LPP: variants seen among roughly 807,000 people sequenced by gnomAD.
LPP encodes lipoma-preferred partner.
A neutral mutation model predicts 60.4 loss-of-function variants in LPP; 38 were observed. That is an observed-to-expected ratio of 0.63 (90% confidence interval 0.49 to 0.83). The LOEUF is 0.83. Ranked by LOEUF, LPP falls within the 40% of genes least tolerant of loss-of-function variation. The pLI is 0.00. For synonymous variants in LPP, 328 were observed against 290.8 expected (o/e 1.13, Z -1.30); for missense variants, 902 against 783.6 (o/e 1.15, Z -1.80).
chr3:188,382,955 C>G (rs1251719839), intron 3 of LPP, among the ~76,000 whole-genome samples: 1 of 152,110 alleles, frequency 6.6e-6, no homozygotes, highest in Non-Finnish European at 1.5e-5. Flanking sequence ...TCTACTGACT[C>G]TTAAAACCCG....
At chr3:188,240,531 A>G (rs1723999666) in intron 2 of LPP, among the ~76,000 whole-genome samples, 1 of 152,198 alleles carries the variant, frequency 6.6e-6, no homozygotes, top group African/African-American at 2.4e-5. Flanking sequence ...GTAGGGAAGG[A>G]AACTGATGTG....
intron 4 of LPP, among the ~76,000 whole-genome samples, chr3:188,474,283 A>G (rs183711733): frequency 2.5e-4 from 38 of 152,208 alleles, no homozygotes; most frequent in Non-Finnish European, 5.2e-4. Flanking sequence ...TTAATCAGGT[A>G]GGGGAAACCA....
intron 3 of LPP, among the ~76,000 whole-genome samples, chr3:188,358,582 G>C (rs1036518087): frequency 6.6e-6 from 1 of 152,212 alleles, no homozygotes; most frequent in Non-Finnish European, 1.5e-5. Context: ...TAGAATTATA[G>C]TAAAGGGAGA....
intron 2 of LPP, among the ~76,000 whole-genome samples, chr3:188,325,711 A>G (rs1164917057): frequency 6.6e-6 from 1 of 152,140 alleles, no homozygotes; most frequent in Non-Finnish European, 1.5e-5. Context: ...TTAATAGATC[A>G]TTTATTTGGA....
At chr3:188,460,297 G>C (rs1798696994) in intron 4 of LPP, among the ~76,000 whole-genome samples, 1 of 152,124 alleles carries the variant, frequency 6.6e-6, no homozygotes, top group African/African-American at 2.4e-5. Context: ...CTTGAGAATG[G>C]GACCTCTACT....
chr3:188,389,766 A>G, intron 3 of LPP, among the ~76,000 whole-genome samples: 1 of 82,226 alleles, frequency 1.2e-5, no homozygotes, highest in African/African-American at 5.5e-5. Flanking sequence ...ACAGAGTGGG[A>G]CTCCGTCTCA....
intron 8 of LPP, among the ~76,000 whole-genome samples, chr3:188,756,920 T>C (rs1730454089): frequency 6.6e-6 from 1 of 152,246 alleles, no homozygotes; most frequent in African/African-American, 2.4e-5. Context: ...TCTGTTTTCA[T>C]AGCTGAGAAG....
At chr3:188,339,187 G>A (rs557636424) in intron 2 of LPP, among the ~76,000 whole-genome samples, 1 of 152,292 alleles carries the variant, frequency 6.6e-6, no homozygotes, top group South Asian at 2.1e-4. Context: ...CACAGAGGCA[G>A]CCAAGGATAA....
chr3:188,340,416 T>G (rs1762738953), intron 2 of LPP, among the ~76,000 whole-genome samples: 1 of 137,584 alleles, frequency 7.3e-6, no homozygotes, highest in Non-Finnish European at 1.6e-5. Flanking sequence ...TTTTTTTTTT[T>G]GAAACTTTTA....
intron 7 of LPP, among the ~76,000 whole-genome samples, chr3:188,688,002 T>G: frequency 6.6e-6 from 1 of 152,142 alleles, no homozygotes. Flanking sequence ...TAACAGTGTC[T>G]GAGGTATTTT....
At chr3:188,163,183 G>T (rs1179269730) in intron 1 of LPP, among the ~76,000 whole-genome samples, 1 of 152,090 alleles carries the variant, frequency 6.6e-6, no homozygotes, top group Non-Finnish European at 1.5e-5. Context: ...GTAATTGCTT[G>T]TGTTGTGACT....
chr3:188,800,498 G>A (rs919326902), intron 9 of LPP, among the ~76,000 whole-genome samples: 10 of 152,034 alleles, frequency 6.6e-5, no homozygotes, highest in Non-Finnish European at 1.3e-4. Flanking sequence ...GCCCACCTTG[G>A]CCTCCCAAAG....
intron 5 of LPP, among the ~76,000 whole-genome samples, chr3:188,515,002 G>A (rs1028124934): frequency 1.3e-5 from 2 of 152,052 alleles, no homozygotes; most frequent in Admixed American, 1.3e-4. Context: ...AGTGTGTTAG[G>A]GCTGAAAAGG....
At chr3:188,381,184 C>G (rs970463029) in intron 3 of LPP, among the ~76,000 whole-genome samples, 1 of 112,592 alleles carries the variant, frequency 8.9e-6, no homozygotes, top group African/African-American at 2.9e-5. Context: ...ACGTGTGACA[C>G]GAATGCAAAC....
intron 9 of LPP, among the ~76,000 whole-genome samples, chr3:188,811,418 T>G (rs1304404166): frequency 6.2e-5 from 9 of 146,046 alleles, no homozygotes; most frequent in Admixed American, 6.1e-4. Flanking sequence ...GAGAGAAAAA[T>G]TATGATTGGG....
intron 7 of LPP, among the ~76,000 whole-genome samples, chr3:188,663,394 G>A (rs956685183): frequency 3.3e-5 from 5 of 152,292 alleles, no homozygotes; most frequent in African/African-American, 1.2e-4. Flanking sequence ...GTTTCCACAG[G>A]AGGGTTTATT....
intron 7 of LPP, among the ~76,000 whole-genome samples, chr3:188,650,153 T>C (rs1022194939): frequency 6.6e-6 from 1 of 152,228 alleles, no homozygotes; most frequent in African/African-American, 2.4e-5. Flanking sequence ...CATTTTGCTA[T>C]ATCCTTACTA....
intron 9 of LPP, among the ~76,000 whole-genome samples, chr3:188,861,694 GA>G (rs1765235432): frequency 6.6e-6 from 1 of 152,076 alleles, no homozygotes; most frequent in African/African-American, 2.4e-5. Flanking sequence ...TCCAAAGATA[GA>G]AAAAAATACT....
chr3:188,361,535 T>TCCTCTCCTCC (rs1281415710), intron 3 of LPP, among the ~76,000 whole-genome samples: 16 of 121,544 alleles, frequency 1.3e-4, no homozygotes, highest in African/African-American at 3.8e-4. Context: ...TCCTCTCCTC[T>TCCTCTCCTCC]CCTCTCCTCC....
Sources: allele counts gnomAD v4.1 joint callset (sites outside exome capture counted in the v4.1 genomes callset), GRCh38; gene constraint gnomAD v4.1.1; transcripts MANE v1.5; gene names NCBI Gene and HGNC (gene_info 2026-07-23, HGNC 2026-07-21).